The following PHACTR1 variants were observed in gnomAD, a reference collection of about 807,000 sequenced individuals.
PHACTR1 encodes RPEL repeat containing 1.
In PHACTR1, 16 loss-of-function variants were observed where a neutral mutation model predicts 69.2. The ratio of observed to expected loss-of-function variants is 0.23; its 90% CI spans 0.16 to 0.35. The LOEUF is 0.35. Ranked by LOEUF, PHACTR1 falls within the 10% of genes least tolerant of loss-of-function variation. PHACTR1 has a pLI of 1.00. For synonymous variants in PHACTR1, 312 were observed against 284.5 expected (o/e 1.10, Z -0.97); for missense variants, 510 against 734.7 (o/e 0.69, Z 3.54).
intron 5 of PHACTR1, among the ~76,000 whole-genome samples, chr6:13,078,276 C>T (rs1420349363): frequency 6.6e-6 from 1 of 152,194 alleles, no homozygotes; most frequent in African/African-American, 2.4e-5. Context: ...ACCCTGACCT[C>T]TGCCTTCGGC....
At chr6:12,968,436 A>G (rs1029093231) in intron 4 of PHACTR1, among the ~76,000 whole-genome samples, 2 of 152,142 alleles carry the variant, frequency 1.3e-5, no homozygotes, top group African/African-American at 4.8e-5. Flanking sequence ...TTAGGTCTTC[A>G]GGCTTGTGGC....
At position 12,887,183 on chromosome 6, in the gene PHACTR1, G is replaced by T. The variant is rs147020060; in HGVS notation, c.250+137393G>T. On this transcript the variant is annotated intron_variant, in intron 4 of 14. Transcript: ENST00000332995. ...CCCTCCCAAGTTTGGGAGAATCAAG[G>T]CCCCTTCCTGTGCTCCTCAGGTTCC... is the stretch of plus-strand genomic sequence containing the variant. 2.7e-3 allele frequency among the ~76,000 whole-genome samples: 405 copies of T among 152,200 alleles called. 2 individuals carry two copies. Among genetic ancestry groups the T allele is most frequent in the African/African-American group, 9.2e-3 (383 of 41,526 alleles).
chr6:12,963,621 G>A (rs939214127), intron 4 of PHACTR1, among the ~76,000 whole-genome samples: 2 of 152,086 alleles, frequency 1.3e-5, no homozygotes, highest in Admixed American at 6.6e-5. Flanking sequence ...GTTATGATCC[G>A]GGCGTTTTGA....
At chr6:13,137,772 T>C (rs1177684020) in intron 5 of PHACTR1, among the ~76,000 whole-genome samples, 1 of 152,214 alleles carries the variant, frequency 6.6e-6, no homozygotes, top group Non-Finnish European at 1.5e-5. Context: ...GAGGACAAGC[T>C]CTTGGTAGAA....
At position 13,283,924 on chromosome 6, in the gene PHACTR1, C is replaced by T. The variant is rs760300401; in HGVS notation, c.1650+362C>T. Reference sequence around the variant, plus strand: ...AGGGGATGGTGCTGCCGGCATCCAACGAGGGATTCACCAAACCAAAAGAGA... The same window carrying T: ...AGGGGATGGTGCTGCCGGCATCCAATGAGGGATTCACCAAACCAAAAGAGA... On this transcript the variant is annotated intron_variant, in intron 13 of 14. Transcript: ENST00000332995. The surrounding 1 kb of genome is among the most constrained non-coding windows in gnomAD (Gnocchi z 4.7). 6 of 234,198 alleles carry T rather than the reference C, an allele frequency of 2.6e-5. No homozygotes were observed. Among genetic ancestry groups the T allele is most frequent in the African/African-American group, 4.5e-5 (2 of 44,500 alleles). The allele number at this position is 234,198 out of a possible 1,614,324, so 14.5% of individuals were successfully genotyped here. A position where few individuals can be genotyped will look rare whatever the true frequency, so the allele number is the denominator to read the frequency against.
At chr6:13,095,340 T>G (rs752750534) in intron 5 of PHACTR1, among the ~76,000 whole-genome samples, 1 of 152,234 alleles carries the variant, frequency 6.6e-6, no homozygotes, top group African/African-American at 2.4e-5. Context: ...ATATTACTTT[T>G]CAGGGTGAGT....
intron 4 of PHACTR1, among the ~76,000 whole-genome samples, chr6:12,992,842 A>G (rs1344979149): frequency 2.0e-5 from 3 of 152,166 alleles, no homozygotes; most frequent in African/African-American, 7.2e-5. Flanking sequence ...TTGAGAAGGC[A>G]GCTTCTGATT....
chr6:12,768,178 G>A (rs1053456194), intron 4 of PHACTR1, among the ~76,000 whole-genome samples: 3 of 145,000 alleles, frequency 2.1e-5, no homozygotes, highest in Non-Finnish European at 4.5e-5. Context: ...GCAGTGGCGC[G>A]ATCTCGGCTC....
intron 5 of PHACTR1, among the ~76,000 whole-genome samples, chr6:13,104,235 CA>C (rs1815688974): frequency 6.6e-6 from 1 of 152,058 alleles, no homozygotes; most frequent in Admixed American, 6.5e-5. Flanking sequence ...TAGTCTGTAA[CA>C]ACTTACCAGT....
intron 4 of PHACTR1, among the ~76,000 whole-genome samples, chr6:12,823,001 C>T (rs560295101): frequency 3.3e-5 from 5 of 152,262 alleles, no homozygotes; most frequent in African/African-American, 1.2e-4. Flanking sequence ...CATGGAGCCT[C>T]ATTAATAGAT....
chr6:13,084,225 G>A (rs1811900342), intron 5 of PHACTR1, among the ~76,000 whole-genome samples: 1 of 151,762 alleles, frequency 6.6e-6, no homozygotes, highest in African/African-American at 2.4e-5. Flanking sequence ...TCCTTTGTAG[G>A]GGCATGGATG....
In PHACTR1 at chr6:12,925,238, CTTG is replaced by C. The variant is rs147188423; in HGVS notation, c.251-128123_251-128121del. On this transcript the variant is annotated intron_variant, in intron 4 of 14. Transcript: ENST00000332995. ...ACCTTTCTGTTGAGGGCTCAACTGA[CTTG>C]TTGATTCAACATGGTTATGTTGTGA... Among the ~76,000 whole-genome samples, 809 of 152,298 alleles carry C rather than the reference CTTG, an allele frequency of 5.3e-3. 10 individuals are homozygous for C. Among genetic ancestry groups the C allele is most frequent in the African/African-American group, 0.018 (769 of 41,570 alleles).
intron 4 of PHACTR1, among the ~76,000 whole-genome samples, chr6:12,902,876 G>T (rs1394775192): frequency 6.6e-6 from 1 of 152,098 alleles, no homozygotes; most frequent in East Asian, 1.9e-4. Flanking sequence ...GGCCACTTAA[G>T]ACCCCAGCAA....
chr6:13,011,466 A>G (rs1391816056), intron 4 of PHACTR1, among the ~76,000 whole-genome samples: 1 of 152,222 alleles, frequency 6.6e-6, no homozygotes, highest in Non-Finnish European at 1.5e-5. Context: ...CTTAACTTGA[A>G]CAAAGGGCCC....
rs562532587 is a variant in PHACTR1 at position 12,935,205 on chromosome 6, CA to C, written c.251-118156del. On this transcript the variant is annotated intron_variant, in intron 4 of 14. Transcript: ENST00000332995. Reference sequence around the variant, plus strand: ...CACGGTGTGAAGAACAAACAAGGACCAAAAGTATGATGTAACTTATACACTG... The same window carrying C: ...CACGGTGTGAAGAACAAACAAGGACCAAAGTATGATGTAACTTATACACTG... 3.4e-3 allele frequency among the ~76,000 whole-genome samples: 520 copies of C among 152,152 alleles called. 7 individuals are homozygous for C. Among genetic ancestry groups the C allele is most frequent in the Non-Finnish European group, 7.1e-4 (48 of 67,986 alleles).
chr6:12,845,738 T>C (rs1435750584), intron 4 of PHACTR1, among the ~76,000 whole-genome samples: 1 of 152,292 alleles, frequency 6.6e-6, no homozygotes, highest in Non-Finnish European at 1.5e-5. Flanking sequence ...GATACGGAAT[T>C]GTGCACATGC....
In PHACTR1 at chr6:13,003,972, TATATATAC is replaced by T. The variant is rs1325613273; in HGVS notation, c.251-49391_251-49384del. On this transcript the variant is annotated intron_variant, in intron 4 of 14. Coordinates refer to ENST00000332995, the MANE Select transcript of PHACTR1 (RefSeq NM_030948.6). ...ATTCCTATATATATATATGTATATATATATATACACATATATATATATCACATTTTCTT... is the reference window on the plus strand; with the variant it reads ...ATTCCTATATATATATATGTATATATACATATATATATATCACATTTTCTT... Among the ~76,000 whole-genome samples, 1,270 of 132,524 alleles carry T rather than the reference TATATATAC, an allele frequency of 9.6e-3. 206 individuals carry two copies. Among genetic ancestry groups the T allele is most frequent in the African/African-American group, 0.037 (1,200 of 32,010 alleles). 86.9% of individuals were successfully genotyped at this position (132,524 alleles called of 152,430 possible). A position where few individuals can be genotyped will look rare whatever the true frequency, so the allele number is the denominator to read the frequency against.
At chr6:13,232,772 T>G (rs1008988114) in intron 10 of PHACTR1, among the ~76,000 whole-genome samples, 4 of 151,954 alleles carry the variant, frequency 2.6e-5, no homozygotes, top group African/African-American at 9.7e-5. Flanking sequence ...GGTGGGTGGG[T>G]GTGGTTCTGG....
chr6:12,820,126 C>T (rs1776040162), intron 4 of PHACTR1, among the ~76,000 whole-genome samples: 1 of 152,180 alleles, frequency 6.6e-6, no homozygotes. Flanking sequence ...ACCTCCCTAA[C>T]CTCTTCTGCA....
Sources: allele counts gnomAD v4.1 joint callset (sites outside exome capture counted in the v4.1 genomes callset), GRCh38; gene constraint gnomAD v4.1.1; non-coding constraint Gnocchi (gnomAD v3.1); transcripts MANE v1.5; gene names NCBI Gene and HGNC (gene_info 2026-07-23, HGNC 2026-07-21).